Variants in BCL2L13 observed in about 807,000 individuals in gnomAD.
BCL2L13 encodes the protein BCL2 like 13.
BCL2L13 carries 13 observed loss-of-function variants against 25.8 expected under a neutral mutation model. That is an observed-to-expected ratio of 0.50 (90% CI 0.33 to 0.80). The LOEUF is 0.80. Among genes scored for constraint, BCL2L13 ranks in the 30% least tolerant of loss-of-function variants. The pLI is 0.02. For missense variants in BCL2L13, 504 were observed against 574.9 expected, an observed-to-expected ratio of 0.88 and a Z score of 1.26; for synonymous variants, 244 against 230.3, an observed-to-expected ratio of 1.06 and a Z score of -0.54.
At chr22:17,637,739 A>G (rs2058136817), upstream of BCL2L13, among the ~76,000 whole-genome samples, 1 of 151,980 alleles carries the variant, frequency 6.6e-6, no homozygotes, top group South Asian at 2.1e-4. Context: ...GTCCCTATTA[A>G]TGGCACCATC....
intron 2 of BCL2L13, among the ~76,000 whole-genome samples, chr22:17,670,004 C>T (rs1317158606): frequency 2.0e-5 from 3 of 152,174 alleles, no homozygotes; most frequent in Non-Finnish European, 4.4e-5. Context: ...GTTGTCTCAG[C>T]ACCATTTGTT....
rs368296766 is a variant in BCL2L13, at chr22:17,727,528, G to T, written c.1452G>T (p.Lys484Asn). ...TCGGGGTAGCCCTGGCTCTGAGAAA[G>T]AAATAGGAGGCTTTTCAGAAGAGAA... ...VAIGVALALR[K>N]K The change falls in exon 7 of 7, where the codon AAG becomes AAT. Residue 484 changes from lysine to asparagine, a missense_variant. Coordinates refer to ENST00000317582, the MANE Select transcript of BCL2L13 (RefSeq NM_015367.4). 5 of 1,613,570 alleles carry T rather than the reference G, an allele frequency of 3.1e-6. No individual in the cohort carries two copies. The African/African-American group carries it at 5.3e-5, about 17-fold the overall frequency.
At chr22:17,671,377 G>A (rs1227968358) in intron 2 of BCL2L13, among the ~76,000 whole-genome samples, 1 of 118,712 alleles carries the variant, frequency 8.4e-6, no homozygotes, top group Non-Finnish European at 1.6e-5. Flanking sequence ...CTGGGTGACA[G>A]AGCGAGACTC....
intron 6 of BCL2L13, among the ~76,000 whole-genome samples, chr22:17,708,478 AG>A (rs2060651797): frequency 3.3e-5 from 5 of 152,216 alleles, no homozygotes; most frequent in Admixed American, 2.6e-4. Flanking sequence ...ATCCTCTCAT[AG>A]CATTGTTGTG....
chr22:17,703,613 G>A (rs2060505552), intron 6 of BCL2L13: 1 of 152,056 alleles, frequency 6.6e-6, no homozygotes. Context: ...TGCATCTGAG[G>A]GTTTGAGTTA....
At chr22:17,664,371 G>A (rs2059168467) in intron 2 of BCL2L13, among the ~76,000 whole-genome samples, 1 of 152,036 alleles carries the variant, frequency 6.6e-6, no homozygotes, top group African/African-American at 2.4e-5. Context: ...GGTTCCCATG[G>A]CCTTGGAGAG....
chr22:17,635,900 G>A (rs531398460), upstream of BCL2L13, among the ~76,000 whole-genome samples: 28 of 151,908 alleles, frequency 1.8e-4, no homozygotes, highest in East Asian at 3.9e-4. Flanking sequence ...TAGTAGAGAC[G>A]GGGTTTCACT....
intron 6 of BCL2L13, among the ~76,000 whole-genome samples, chr22:17,709,737 G>A (rs2145749004): frequency 6.6e-6 from 1 of 152,016 alleles, no homozygotes; most frequent in Middle Eastern, 3.4e-3. Flanking sequence ...AGCTGAGATT[G>A]TGCTGCTGCA....
rs973625647 is a variant in BCL2L13 at position 17,730,186 on chromosome 22, A to T, written c.*2652A>T. On this transcript the variant is annotated 3_prime_UTR_variant, in exon 7 of 7. Transcript: ENST00000317582. The stretch of plus-strand genomic sequence containing the variant: ...AACAACGCCAATTTATCCTCTCTGT[A>T]TTAAAGTGATAATTCTGGGCCCACA... The T allele has an allele frequency of 6.6e-6, 1 of 152,178 alleles. No homozygotes were observed. The highest frequency in any genetic ancestry group is 1.5e-5 in the Non-Finnish European group (1 of 68,030). The allele number at this position is 152,178 out of a possible 1,614,324, so 9.4% of individuals were successfully genotyped here. A position where few individuals can be genotyped will look rare whatever the true frequency, so the allele number is the denominator to read the frequency against.
At chr22:17,647,201 C>G (rs1285973224) in intron 1 of BCL2L13, among the ~76,000 whole-genome samples, 2 of 151,682 alleles carry the variant, frequency 1.3e-5, no homozygotes, top group African/African-American at 4.8e-5. Context: ...GTTTCGATCT[C>G]CTGACCTTGT....
intron 6 of BCL2L13, among the ~76,000 whole-genome samples, chr22:17,705,928 T>G (rs762289218): frequency 6.6e-6 from 1 of 152,206 alleles, no homozygotes; most frequent in African/African-American, 2.4e-5. Flanking sequence ...TGGAGTGATA[T>G]AGCACATAGT....
At chr22:17,717,788 T>G (rs1367687611) in intron 6 of BCL2L13, among the ~76,000 whole-genome samples, 1 of 152,044 alleles carries the variant, frequency 6.6e-6, no homozygotes, top group Non-Finnish European at 1.5e-5. Flanking sequence ...TTGCTTCTTA[T>G]GAAAGACAAC....
chr22:17,722,214 A>G (rs1310570688), intron 6 of BCL2L13, among the ~76,000 whole-genome samples: 4 of 152,050 alleles, frequency 2.6e-5, no homozygotes, highest in Non-Finnish European at 5.9e-5. Flanking sequence ...ATTTTATTTA[A>G]TTGGTCTAAT....
chr22:17,718,769 A>G (rs1787464123), intron 6 of BCL2L13, among the ~76,000 whole-genome samples: 2 of 152,200 alleles, frequency 1.3e-5, no homozygotes, highest in African/African-American at 4.8e-5. Context: ...AGTTTTTAGG[A>G]CACCTTGTTT....
Position 17,638,837 on chromosome 22 carries a change from A to C in BCL2L13, c.-100A>C. The C allele has an allele frequency of 8.1e-7, 1 of 1,232,070 alleles. No individual in the cohort carries two copies. The highest frequency in any genetic ancestry group is 1.0e-6 in the Non-Finnish European group (1 of 988,324). The allele number at this position is 1,232,070 out of a possible 1,614,324, so 76.3% of individuals were successfully genotyped here. On this transcript the variant is annotated 5_prime_UTR_variant, in exon 1 of 7. Coordinates refer to ENST00000317582, the MANE Select transcript of BCL2L13 (RefSeq NM_015367.4). ...CCGCTGGGGGACCCTGTCGGAAGCAACTGCCGCCGCCGCCTCTTTCATCTC... is the reference window on the plus strand; with the variant it reads ...CCGCTGGGGGACCCTGTCGGAAGCACCTGCCGCCGCCGCCTCTTTCATCTC...
At chr22:17,643,715 C>T (rs938535721) in intron 1 of BCL2L13, among the ~76,000 whole-genome samples, 1 of 151,932 alleles carries the variant, frequency 6.6e-6, no homozygotes, top group Admixed American at 6.6e-5. Flanking sequence ...GCACGCCCCG[C>T]CTCCTGGGTT....
rs562172519 is a variant in BCL2L13, at chr22:17,682,604, T to C, written c.122-610T>C. On this transcript the variant is annotated intron_variant, in intron 2 of 6. Coordinates refer to ENST00000317582, the MANE Select transcript of BCL2L13 (RefSeq NM_015367.4). ...AGAGAGGACTGGCCCGACTTATTGA[T>C]ACATCTTTCCCAACCTCCTCTTGAG... 4.1e-4 allele frequency among the ~76,000 whole-genome samples: 63 copies of C among 152,316 alleles called. No homozygotes were observed. The South Asian group carries it at 0.013, about 31-fold the overall frequency.
chr22:17,695,332 C>G (rs1347126832), intron 4 of BCL2L13, among the ~76,000 whole-genome samples: 2 of 152,148 alleles, frequency 1.3e-5, no homozygotes, highest in Non-Finnish European at 2.9e-5. Context: ...AACGTTCAGC[C>G]TTCCCTGAGC....
In BCL2L13 at chr22:17,726,853, C is replaced by T; in HGVS notation, c.777C>T (p.Ser259=). 6.2e-7 allele frequency: 1 copy of T among 1,613,946 alleles called. No individual in the cohort carries two copies. Among genetic ancestry groups the T allele is most frequent in the South Asian group, 1.1e-5 (1 of 91,076 alleles). ...GCTTACCTGTGTCACTGTCAGCTAGCCAGAGTTGGCACACAGAAAGCCTGC... is the reference window on the plus strand; with the variant it reads ...GCTTACCTGTGTCACTGTCAGCTAGTCAGAGTTGGCACACAGAAAGCCTGC... ...SESLPVSLSA[S]QSWHTESLPV... is the part of the protein sequence containing the mutation. Residue 259 remains serine (S), a synonymous_variant, in exon 7 of 7, where the codon AGC becomes AGT. Coordinates refer to ENST00000317582, the MANE Select transcript of BCL2L13 (RefSeq NM_015367.4).
Sources: allele counts gnomAD v4.1 joint callset (sites outside exome capture counted in the v4.1 genomes callset), GRCh38; gene constraint gnomAD v4.1.1; transcripts MANE v1.5; gene names NCBI Gene and HGNC (gene_info 2026-07-23, HGNC 2026-07-21).